ADGRD2: variants seen among roughly 807,000 people sequenced by gnomAD.
The protein encoded by ADGRD2 is adhesion G protein-coupled receptor D2.
A neutral mutation model predicts 44.4 loss-of-function variants in ADGRD2; 71 were observed. The ratio of observed to expected loss-of-function variants is 1.60; its 90% CI spans 1.32 to 1.95. ADGRD2 has a LOEUF of 1.95. Among genes scored for constraint, ADGRD2 ranks in the 30% most tolerant of loss-of-function variants. ADGRD2 has a pLI of 0.00. For synonymous variants in ADGRD2, 481 were observed against 224.8 expected (o/e 2.14, Z -10.19); for missense variants, 1,039 against 512.4 (o/e 2.03, Z -9.92).
At chr9:124,455,182 C>G in intron 6 of ADGRD2, 55 bp downstream of exon 9, 1 of 623,948 alleles carries the variant, frequency 1.6e-6, no homozygotes, top group Non-Finnish European at 2.9e-6. Context: ...TCCAGCCTAG[C>G]CACCAGCTGG....
chr9:124,453,676 G>C (rs985039082), exon 3 of ADGRD2: 3 of 698,704 alleles, frequency 4.3e-6, no homozygotes, highest in Non-Finnish European at 5.2e-6. Flanking sequence ...TCTCTGTCCC[G>C]GTACGACCCG....
exon 17 of ADGRD2, chr9:124,470,569 G>C (rs373018549): frequency 2.8e-6 from 2 of 709,654 alleles, no homozygotes; most frequent in Non-Finnish European, 5.2e-6. Flanking sequence ...TGGTGCACCT[G>C]AGCCCCGCCT....
intron 21 of ADGRD2, among the ~76,000 whole-genome samples, chr9:124,477,273 C>T (rs1477864243): frequency 6.6e-6 from 1 of 152,312 alleles, no homozygotes; most frequent in African/African-American, 2.4e-5. Flanking sequence ...AGGACTGAAG[C>T]CTGGGGAGCT....
intron 6 of ADGRD2, 135 bp from the exon 10 acceptor site, chr9:124,456,487 G>T (rs930130934): frequency 3.2e-6 from 2 of 626,860 alleles, no homozygotes; most frequent in African/African-American, 3.6e-5. Context: ...TGATCCTAGA[G>T]TCCTTAAAGA....
rs973592585 is a variant in ADGRD2, at chr9:124,469,554, C to T, written c.2637+7C>T. On this transcript the variant is annotated splice_region_variant and intron_variant, in intron 16 of 21. Coordinates refer to ENST00000334810, the Ensembl canonical transcript of ADGRD2. Reference sequence around the variant, plus strand: ...AGATCTGGACCCAGATATGGTGAGGCCCCAGAATGGGGGGCCAGCAGGAAG... The same window carrying T: ...AGATCTGGACCCAGATATGGTGAGGTCCCAGAATGGGGGGCCAGCAGGAAG... 2.8e-6 allele frequency: 2 copies of T among 717,448 alleles called. No individual in the cohort carries two copies. Among genetic ancestry groups the T allele is most frequent in the Non-Finnish European group, 5.2e-6 (2 of 384,898 alleles). 44.4% of individuals were successfully genotyped at this position (717,448 alleles called of 1,614,324 possible). A position where few individuals can be genotyped will look rare whatever the true frequency, so the allele number is the denominator to read the frequency against.
chr9:124,461,365 C>A (rs1163751418), intron 10 of ADGRD2, among the ~76,000 whole-genome samples: 1 of 152,142 alleles, frequency 6.6e-6, no homozygotes, highest in Non-Finnish European at 1.5e-5. Context: ...GAAAGCTTTG[C>A]CAATCCCAAG....
chr9:124,476,766 A>T (rs531022178), intron 21 of ADGRD2, 57 bp downstream of exon 24: 4 of 681,684 alleles, frequency 5.9e-6, no homozygotes, highest in African/African-American at 1.8e-5. Context: ...GACACCCCCT[A>T]AGCCCCCCGT....
intron 17 of ADGRD2, among the ~76,000 whole-genome samples, 160 bp from the exon 21 acceptor site, chr9:124,475,286 G>A (rs910134090): frequency 2.1e-4 from 32 of 152,218 alleles, no homozygotes; most frequent in African/African-American, 3.9e-4. Flanking sequence ...CTCCGCAGGC[G>A]GGCACGAGGG....
upstream of ADGRD2, chr9:124,451,997 G>GCCGGGGGGGGGGGCC: frequency 5.5e-6 from 2 of 360,938 alleles, no homozygotes; most frequent in Non-Finnish European, 1.1e-5. Context: ...TCCACTGAAT[G>GCCGGGGGGGGGGGCC]CCCCCCTCCC....
chr9:124,472,504 TTTGTTTTG>T (rs929868269), intron 17 of ADGRD2, among the ~76,000 whole-genome samples: 3 of 151,876 alleles, frequency 2.0e-5, no homozygotes, highest in Non-Finnish European at 4.4e-5. Context: ...TTTGTTTTGT[TTTGTTTTG>T]TTTTGTTTTT....
chr9:124,454,620 C>G lies in ADGRD2; in HGVS notation c.1108+51C>G, dbSNP rs1351381124. 1 of 699,104 alleles carries G rather than the reference C, an allele frequency of 1.4e-6. No homozygotes were observed. The highest frequency in any genetic ancestry group is 2.0e-5 in the Admixed American group (1 of 49,652). 43.3% of individuals were successfully genotyped at this position (699,104 alleles called of 1,614,324 possible). On this transcript the variant is annotated intron_variant, in intron 5 of 21. Transcript: ENST00000334810. The surrounding 1 kb of genome is among the most constrained non-coding windows in gnomAD (Gnocchi z 4.5). ...AGCCTGGGGGCTCCATGGGTCACCT[C>G]GCTGCACCTCAGTTTCCTCCCTTGT...
At chr9:124,455,247 T>C in intron 6 of ADGRD2, 120 bp downstream of exon 9, 1 of 578,894 alleles carries the variant, frequency 1.7e-6, no homozygotes, top group Admixed American at 3.0e-5. Context: ...TCTGCGTCTA[T>C]CCTGAAAAGC....
chr9:124,472,452 GTTTGT>G (rs1216622128), intron 17 of ADGRD2, among the ~76,000 whole-genome samples: 1 of 25,316 alleles, frequency 4.0e-5, no homozygotes, highest in Non-Finnish European at 8.1e-5. Context: ...TTGTTTGTTT[GTTTGT>G]TTTTTGTTTG....
At chr9:124,471,252 G>T (rs866666018) in intron 17 of ADGRD2, among the ~76,000 whole-genome samples, 1 of 151,996 alleles carries the variant, frequency 6.6e-6, no homozygotes, top group Admixed American at 6.6e-5. Context: ...GTTTTCCCTC[G>T]ACCTCCCTGG....
intron 19 of ADGRD2, 128 bp downstream of exon 22, chr9:124,475,743 C>A (rs996235785): frequency 1.8e-6 from 1 of 554,592 alleles, no homozygotes; most frequent in East Asian, 3.2e-5. Flanking sequence ...GGCCCCCAGG[C>A]CCCTGGGAGG....
exon 15 of ADGRD2, chr9:124,469,225 T>C: frequency 2.8e-6 from 2 of 714,020 alleles, no homozygotes; most frequent in South Asian, 1.5e-5. Flanking sequence ...CTCCCAGGCG[T>C]GCCTGTGGGC....
chr9:124,475,792 A>G (rs1178489479), intron 19 of ADGRD2, among the ~76,000 whole-genome samples, 177 bp downstream of exon 22: 2 of 152,104 alleles, frequency 1.3e-5, no homozygotes, highest in Non-Finnish European at 2.9e-5. Flanking sequence ...TCCACCCCGG[A>G]GACACGTGGC....
At chr9:124,458,934 C>T (rs1831671981) in intron 10 of ADGRD2, among the ~76,000 whole-genome samples, 2 of 152,236 alleles carry the variant, frequency 1.3e-5, no homozygotes, top group African/African-American at 2.4e-5. Flanking sequence ...ACGCAGCCTT[C>T]GTTTAATCCT....
At position 124,454,514 on chromosome 9, in the gene ADGRD2, C is replaced by G. The variant is rs373231955; in HGVS notation, c.1055C>G (p.Ser352Trp). Residue 352 changes from serine (S) to tryptophan (W), a missense_variant, in exon 5 of 22, where the codon TCG becomes TGG. By Grantham distance (177) the Ser-to-Trp change is radical. Transcript: ENST00000334810. This position sits in a 1 kb window ranked among gnomAD's most constrained non-coding sequence, Gnocchi z 4.5. Reference sequence around the variant, plus strand: ...TATCGTCGGCTGCAGGATGCCCAGTCGTGGCCTGGCCAGGATGTTATCAGC... The same window carrying G: ...TATCGTCGGCTGCAGGATGCCCAGTGGTGGCCTGGCCAGGATGTTATCAGC... 2 of 716,610 alleles carry G rather than the reference C, an allele frequency of 2.8e-6. No individual in the cohort carries two copies. The highest frequency in any genetic ancestry group is 5.2e-6 in the Non-Finnish European group (2 of 383,776). 44.4% of individuals were successfully genotyped at this position (716,610 alleles called of 1,614,324 possible). A position where few individuals can be genotyped will look rare whatever the true frequency, so the allele number is the denominator to read the frequency against.
Sources: allele counts gnomAD v4.1 joint callset (sites outside exome capture counted in the v4.1 genomes callset), GRCh38; gene constraint gnomAD v4.1.1; non-coding constraint Gnocchi (gnomAD v3.1); transcripts MANE v1.5; gene names NCBI Gene and HGNC (gene_info 2026-07-23, HGNC 2026-07-21).